Variants in GFRA1 observed in about 807,000 individuals in gnomAD.
GFRA1 encodes the protein GDNF family receptor alpha 1.
Under a neutral mutation model 51.6 loss-of-function variants are expected in GFRA1, and 16 were observed. The observed-to-expected ratio is 0.31, with a 90% CI of 0.21 to 0.47. The LOEUF (loss-of-function observed/expected upper bound fraction) is 0.47, where lower values mean the gene tolerates loss of function less well. Ranked by LOEUF, GFRA1 falls within the 20% of genes least tolerant of loss-of-function variation. The pLI is 1.00. For synonymous variants in GFRA1, 270 were observed against 241.3 expected, an observed-to-expected ratio of 1.12 and a Z score of -1.10; for missense variants, 530 against 594.3, an observed-to-expected ratio of 0.89 and a Z score of 1.13.
intron 8 of GFRA1, among the ~76,000 whole-genome samples, chr10:116,090,432 T>TAAAAAAAA (rs35493394): frequency 4.1e-5 from 5 of 121,156 alleles, no homozygotes; most frequent in Non-Finnish European, 8.3e-5. Context: ...CCAGTTTCTT[T>TAAAAAAAA]AAAAAAAAAA....
intron 4 of GFRA1, among the ~76,000 whole-genome samples, chr10:116,216,456 A>G (rs1440882986): frequency 6.6e-6 from 1 of 152,174 alleles, no homozygotes; most frequent in African/African-American, 2.4e-5. Flanking sequence ...CATAGTCCAT[A>G]ACTATGGTTA....
intron 4 of GFRA1, among the ~76,000 whole-genome samples, chr10:116,237,174 A>G (rs1589898218): frequency 6.6e-6 from 1 of 152,168 alleles, no homozygotes; most frequent in East Asian, 1.9e-4. Flanking sequence ...TTTTTTATTT[A>G]CAAAAGGTAG....
chr10:116,170,225 G>A (rs1189195300), intron 5 of GFRA1, among the ~76,000 whole-genome samples: 1 of 152,186 alleles, frequency 6.6e-6, no homozygotes, highest in African/African-American at 2.4e-5. Flanking sequence ...AGCCTGTCTT[G>A]ATAGGAATTC....
At chr10:116,084,700 G>A (rs1441996045) in intron 9 of GFRA1, among the ~76,000 whole-genome samples, 1 of 151,584 alleles carries the variant, frequency 6.6e-6, no homozygotes, top group Non-Finnish European at 1.5e-5. Context: ...GTTAAGCAGT[G>A]TACAATGATG....
intron 5 of GFRA1, among the ~76,000 whole-genome samples, chr10:116,149,539 T>A (rs1012261121): frequency 8.5e-5 from 13 of 152,190 alleles, no homozygotes; most frequent in Non-Finnish European, 1.9e-4. Flanking sequence ...AAGACACCTA[T>A]AATTTTAGAA....
At chr10:116,219,681 A>T (rs1020646789) in intron 4 of GFRA1, among the ~76,000 whole-genome samples, 2 of 152,202 alleles carry the variant, frequency 1.3e-5, no homozygotes, top group Non-Finnish European at 2.9e-5. Context: ...TTGGATATTA[A>T]TTGGAGTATT....
At chr10:116,073,029 G>A (rs922230622) in intron 9 of GFRA1, among the ~76,000 whole-genome samples, 3 of 152,146 alleles carry the variant, frequency 2.0e-5, no homozygotes, top group Non-Finnish European at 2.9e-5. Flanking sequence ...TTGGGCCTGC[G>A]AACTTTGTAT....
chr10:116,184,616 T>G (rs1256972562), intron 5 of GFRA1, among the ~76,000 whole-genome samples: 1 of 151,926 alleles, frequency 6.6e-6, no homozygotes, highest in East Asian at 1.9e-4. Context: ...CAAGAGGAGG[T>G]GGCACTACAG....
intron 5 of GFRA1, among the ~76,000 whole-genome samples, 158 bp downstream of exon 5, chr10:116,211,473 G>A (rs1339093197): frequency 6.6e-6 from 1 of 152,212 alleles, no homozygotes; most frequent in East Asian, 1.9e-4. Flanking sequence ...CAGGGAGGCT[G>A]ATGGCACTTT....
chr10:116,111,132 GCCC>G (rs1957194218), intron 6 of GFRA1, among the ~76,000 whole-genome samples: 3 of 152,166 alleles, frequency 2.0e-5, no homozygotes, highest in Admixed American at 6.5e-5. Flanking sequence ...TATTCGAATA[GCCC>G]AGGCCAAAGA....
intron 4 of GFRA1, among the ~76,000 whole-genome samples, chr10:116,245,420 T>G (rs946346292): frequency 6.6e-6 from 1 of 152,182 alleles, no homozygotes; most frequent in African/African-American, 2.4e-5. Flanking sequence ...TCCAAAAGCC[T>G]GACACCACCA....
At chr10:116,228,918 T>C (rs1014351940) in intron 4 of GFRA1, among the ~76,000 whole-genome samples, 4 of 133,060 alleles carry the variant, frequency 3.0e-5, no homozygotes, top group Admixed American at 2.8e-4. Context: ...GAGATGCAGG[T>C]TGCAGTGAGC....
chr10:116,178,356 G>C (rs1378917447), intron 5 of GFRA1, among the ~76,000 whole-genome samples: 1 of 151,542 alleles, frequency 6.6e-6, no homozygotes, highest in Non-Finnish European at 1.5e-5. Flanking sequence ...GTACTGTCTT[G>C]TACTGTTCAT....
At chr10:116,119,905 C>T (rs536406134) in intron 6 of GFRA1, among the ~76,000 whole-genome samples, 1 of 152,368 alleles carries the variant, frequency 6.6e-6, no homozygotes, top group South Asian at 2.1e-4. Context: ...CTAAGTGTCA[C>T]GGGGTCACCC....
At chr10:116,213,260 ATTGT>A (rs1388033819) in intron 4 of GFRA1, among the ~76,000 whole-genome samples, 3 of 152,240 alleles carry the variant, frequency 2.0e-5, no homozygotes, top group East Asian at 3.8e-4. Flanking sequence ...ATGTTGCCTG[ATTGT>A]TTGGCAATAA....
At chr10:116,254,757 C>T (rs1196529686) in intron 4 of GFRA1, among the ~76,000 whole-genome samples, 1 of 152,176 alleles carries the variant, frequency 6.6e-6, no homozygotes, top group East Asian at 1.9e-4. Flanking sequence ...CTGGCAATGC[C>T]TATTTTCCTA....
At chr10:116,202,385 A>G (rs1964405211) in intron 5 of GFRA1, among the ~76,000 whole-genome samples, 1 of 152,194 alleles carries the variant, frequency 6.6e-6, no homozygotes, top group South Asian at 2.1e-4. Context: ...ATTTCAAAGG[A>G]AAATGTCACA....
intron 5 of GFRA1, among the ~76,000 whole-genome samples, chr10:116,156,156 CT>C (rs1469780192): frequency 6.6e-6 from 1 of 152,188 alleles, no homozygotes; most frequent in Non-Finnish European, 1.5e-5. Context: ...ACTTTCTGAA[CT>C]CTTCTTGGTT....
chr10:116,244,856 T>A (rs546996319), intron 4 of GFRA1, among the ~76,000 whole-genome samples: 1 of 152,118 alleles, frequency 6.6e-6, no homozygotes, highest in African/African-American at 2.4e-5. Context: ...ATAGGAAAAA[T>A]AAAATCATAC....
Sources: allele counts gnomAD v4.1 joint callset (sites outside exome capture counted in the v4.1 genomes callset), GRCh38; gene constraint gnomAD v4.1.1; transcripts MANE v1.5; gene names NCBI Gene and HGNC (gene_info 2026-07-23, HGNC 2026-07-21).